The following CALD1 variants were observed in gnomAD, a reference collection of about 807,000 sequenced individuals.
CALD1 encodes the protein caldesmon 1.
A neutral mutation model predicts 99.9 loss-of-function variants in CALD1; 33 were observed. The ratio of observed to expected loss-of-function variants is 0.33; its 90% CI spans 0.25 to 0.44. The LOEUF is 0.44. Among genes scored for constraint, CALD1 ranks in the 20% least tolerant of loss-of-function variants. The pLI is 1.00. For missense variants in CALD1, 861 were observed against 962.1 expected, an observed-to-expected ratio of 0.89 and a Z score of 1.39; for synonymous variants, 310 against 325.0, an observed-to-expected ratio of 0.95 and a Z score of 0.50.
chr7:134,715,209 A>T, the CALD1 span, among the ~76,000 whole-genome samples: 22 of 152,364 alleles, frequency 1.4e-4, no homozygotes, highest in South Asian at 4.3e-3. Flanking sequence ...AGATTTTAAC[A>T]TACTAGAGAC....
chr7:134,873,774 C>A (rs1801215256), intron 3 of CALD1, among the ~76,000 whole-genome samples: 1 of 152,110 alleles, frequency 6.6e-6, no homozygotes. Context: ...TCCTCCCTTA[C>A]AAAATGGGGG....
chr7:134,866,174 C>T (rs1252178762), intron 2 of CALD1, among the ~76,000 whole-genome samples: 1 of 152,130 alleles, frequency 6.6e-6, no homozygotes. Context: ...GGGATGCCCT[C>T]TTAGGGAACT....
intron 1 of CALD1, among the ~76,000 whole-genome samples, chr7:134,753,475 T>C (rs565609783): frequency 6.6e-6 from 1 of 152,144 alleles, no homozygotes. Flanking sequence ...GGAGAATCAC[T>C]TGGGGAGTTT....
intron 1 of CALD1, among the ~76,000 whole-genome samples, chr7:134,821,136 A>G: frequency 6.6e-6 from 1 of 152,160 alleles, no homozygotes; most frequent in East Asian, 1.9e-4. Flanking sequence ...ATGTAAAATA[A>G]TAATATAATT....
At chr7:134,848,311 C>T (rs1051717379) in intron 2 of CALD1, among the ~76,000 whole-genome samples, 1 of 152,102 alleles carries the variant, frequency 6.6e-6, no homozygotes, top group African/African-American at 2.4e-5. Flanking sequence ...ATGTCCATCA[C>T]GCACTCTAAC....
chr7:134,828,489 A>T (rs988288450), intron 1 of CALD1, among the ~76,000 whole-genome samples: 1 of 152,202 alleles, frequency 6.6e-6, no homozygotes, highest in Non-Finnish European at 1.5e-5. Context: ...AGGAGAGGAA[A>T]TCAGAACAAA....
At chr7:134,855,356 G>A (rs1323407892) in intron 2 of CALD1, among the ~76,000 whole-genome samples, 1 of 152,186 alleles carries the variant, frequency 6.6e-6, no homozygotes, top group African/African-American at 2.4e-5. Context: ...ATTTTTCTTT[G>A]GCTTCCTGTG....
At chr7:134,891,028 A>G (rs1802135897) in intron 3 of CALD1, among the ~76,000 whole-genome samples, 1 of 152,228 alleles carries the variant, frequency 6.6e-6, no homozygotes, top group Admixed American at 6.5e-5. Context: ...AATTGAGAAC[A>G]GAGCTCAGAA....
At chr7:134,941,262 G>C (rs182099830) in intron 7 of CALD1, 25 bp downstream of exon 7, 2 of 1,531,014 alleles carry the variant, frequency 1.3e-6, no homozygotes, top group South Asian at 2.5e-5. Context: ...CTAGTTAATA[G>C]AAACTGTGTT....
upstream of CALD1, chr7:134,779,595 G>A (rs1001574010): frequency 2.5e-6 from 1 of 398,358 alleles, no homozygotes; most frequent in South Asian, 1.3e-4. Context: ...TTCTGGGAGG[G>A]GCCAAGGAAG....
chr7:134,811,395 G>A (rs1425386201), intron 1 of CALD1, among the ~76,000 whole-genome samples: 1 of 152,192 alleles, frequency 6.6e-6, no homozygotes, highest in Admixed American at 6.5e-5. Flanking sequence ...GTAGTGGACT[G>A]TGTTAAAAAG....
intron 11 of CALD1, 48 bp from the exon 12 acceptor site, chr7:134,959,926 A>G: frequency 6.3e-7 from 1 of 1,585,102 alleles, no homozygotes; most frequent in Non-Finnish European, 8.6e-7. Flanking sequence ...TAATTTTATG[A>G]GAACAAACTT....
At chr7:134,741,224 A>G (rs1796589477), upstream of CALD1, among the ~76,000 whole-genome samples, 1 of 152,174 alleles carries the variant, frequency 6.6e-6, no homozygotes, top group African/African-American at 2.4e-5. Flanking sequence ...GGCCTCAGGA[A>G]ACTTACAGTT....
chr7:134,928,907 T>G lies in CALD1; in HGVS notation c.218+7T>G. 6.2e-7 allele frequency: 1 copy of G among 1,600,886 alleles called. No homozygotes were observed. Among genetic ancestry groups the G allele is most frequent in the Non-Finnish European group, 8.5e-7 (1 of 1,172,510 alleles). ...AGGTGAATGCCCAGAACAGGTACTG[T>G]CCTCTTTGGGACGGGGAGTTTCTAA... On this transcript the variant is annotated splice_region_variant and intron_variant, in intron 4 of 14. Transcript: ENST00000361675.
chr7:134,795,612 C>T (rs943963141), intron 1 of CALD1, among the ~76,000 whole-genome samples: 2 of 151,834 alleles, frequency 1.3e-5, no homozygotes, highest in Non-Finnish European at 2.9e-5. Context: ...CCTTCCTTCC[C>T]CCTCCTCCTT....
At chr7:134,852,692 T>C (rs924977852) in intron 2 of CALD1, among the ~76,000 whole-genome samples, 2 of 152,218 alleles carry the variant, frequency 1.3e-5, no homozygotes, top group Non-Finnish European at 2.9e-5. Context: ...AATATCCAAG[T>C]TCAAGTGAAA....
chr7:134,933,425 G>C lies in CALD1; in HGVS notation c.656G>C (p.Ser219Thr), dbSNP rs775222835. ...ATGGTGGAAGAGAAAACAACTGAAA[G>C]CCAGGAGGAAACAGTGGTAATGTCA... ...EVMVEEKTTESQEETVVMSLK... is the reference protein window; with the variant it reads ...EVMVEEKTTETQEETVVMSLK... Residue 219 changes from serine (S) to threonine (T), a missense_variant, in exon 5 of 15, where the codon AGC (serine) becomes ACC (threonine). Transcript: ENST00000361675. 1 of 1,613,640 alleles carries C rather than the reference G, an allele frequency of 6.2e-7. No individual in the cohort carries two copies. Among genetic ancestry groups the C allele is most frequent in the East Asian group, 2.2e-5 (1 of 44,854 alleles).
intron 1 of CALD1, among the ~76,000 whole-genome samples, chr7:134,819,406 T>C (rs1237183944): frequency 2.0e-5 from 3 of 152,198 alleles, no homozygotes; most frequent in Non-Finnish European, 4.4e-5. Context: ...ATATTTAATA[T>C]TGACATCCCT....
intron 1 of CALD1, among the ~76,000 whole-genome samples, chr7:134,762,802 C>T (rs1796790606): frequency 6.6e-6 from 1 of 152,136 alleles, no homozygotes; most frequent in African/African-American, 2.4e-5. Context: ...GCCCCACCTC[C>T]AACATTGGGG....
Sources: gnomAD v4.1 joint callset for allele counts (sites outside exome capture counted in the v4.1 genomes callset) on GRCh38, gnomAD v4.1.1 for gene constraint, MANE v1.5 for transcripts, NCBI Gene and HGNC (gene_info 2026-07-23, HGNC 2026-07-21) for gene names.